The following VCF2 variants were observed in gnomAD, a reference collection of about 807,000 sequenced individuals.
VCF2 encodes protein VCF2.
chrX:55,143,699 A>C, the VCF2 span: 1 of 771,467 alleles, frequency 1.3e-6, no homozygotes. Flanking sequence ...CAGGAAGCCC[A>C]GCTGGAACCT....
At chrX:55,148,792 G>A in the VCF2 span, among the ~76,000 whole-genome samples, 1 of 111,018 alleles carries the variant, frequency 9.0e-6, no homozygotes, top group African/African-American at 3.3e-5. Context: ...AAATTACAAC[G>A]GATTTTAATT....
chrX:55,155,518 T>C, the VCF2 span, among the ~76,000 whole-genome samples: 7 of 111,769 alleles, frequency 6.3e-5, no homozygotes, highest in Non-Finnish European at 1.3e-4. Flanking sequence ...AGGACAATGA[T>C]TGGCAAATGG....
chrX:55,148,399 T>C, the VCF2 span, among the ~76,000 whole-genome samples: 11 of 110,471 alleles, frequency 1.0e-4, no homozygotes, highest in Non-Finnish European at 1.7e-4. Context: ...AAGTTATTTA[T>C]GAAACAAGGT....
At chrX:55,145,879 T>TAAAATA in the VCF2 span, 2 of 967,707 alleles carry the variant, frequency 2.1e-6, no homozygotes, top group Admixed American at 4.7e-5. Context: ...GTAGAAAGAG[T>TAAAATA]AAAATAAAAA....
the VCF2 span, among the ~76,000 whole-genome samples, chrX:55,153,157 A>C: frequency 2.7e-5 from 3 of 111,441 alleles, no homozygotes; most frequent in Non-Finnish European, 5.7e-5. Flanking sequence ...CTATACCCCG[A>C]CCACCTTGAG....
the VCF2 span, chrX:55,143,952 C>G: frequency 1.5e-6 from 1 of 657,190 alleles, no homozygotes; most frequent in Admixed American, 2.7e-5. Flanking sequence ...TGGAATAAGA[C>G]TGTGCTTACT....
the VCF2 span, among the ~76,000 whole-genome samples, chrX:55,158,401 G>C: frequency 2.7e-5 from 3 of 111,949 alleles, no homozygotes; most frequent in Non-Finnish European, 5.6e-5. Flanking sequence ...TAGAAGAGAG[G>C]AAGGGGGGAT....
chrX:55,155,972 C>T, the VCF2 span, among the ~76,000 whole-genome samples: 3 of 85,489 alleles, frequency 3.5e-5, no homozygotes, highest in East Asian at 7.1e-4. Flanking sequence ...GAGAGGAAGT[C>T]GCACTCTGTC....
the VCF2 span, chrX:55,160,809 C>T: frequency 1.2e-5 from 14 of 1,150,502 alleles, no homozygotes; most frequent in Non-Finnish European, 1.6e-5. Context: ...ACTGAGTTTT[C>T]GCGAGGGACC....
the VCF2 span, chrX:55,143,692 G>C: frequency 1.5e-6 from 1 of 686,295 alleles, no homozygotes; most frequent in Non-Finnish European, 2.2e-6. Context: ...CTTGACCCAG[G>C]AAGCCCAGCT....
At chrX:55,146,458 C>A in the VCF2 span, 1 of 507,373 alleles carries the variant, frequency 2.0e-6, no homozygotes, top group East Asian at 3.6e-5. Flanking sequence ...ATTCTATCCT[C>A]ACAATAACCC....
At chrX:55,150,756 T>C in the VCF2 span, among the ~76,000 whole-genome samples, 1 of 111,762 alleles carries the variant, frequency 8.9e-6, no homozygotes, top group Non-Finnish European at 1.9e-5. Flanking sequence ...ACAGGTACTC[T>C]TGAATGCAGG....
chrX:55,149,043 G>A, the VCF2 span, among the ~76,000 whole-genome samples: 1 of 111,599 alleles, frequency 9.0e-6, no homozygotes, highest in Non-Finnish European at 1.9e-5. Context: ...CCATGAATCT[G>A]AAAATTTTCA....
chrX:55,160,829 C>A, the VCF2 span: 1 of 1,155,831 alleles, frequency 8.7e-7, no homozygotes, highest in Non-Finnish European at 1.1e-6. Flanking sequence ...CACATCCCCA[C>A]CTCACCCCCG....
the VCF2 span, among the ~76,000 whole-genome samples, chrX:55,147,606 A>C: frequency 9.5e-6 from 1 of 105,408 alleles, no homozygotes; most frequent in Non-Finnish European, 1.9e-5. Context: ...ACAGCTGACA[A>C]TTCGGTTCCT....
chrX:55,151,883 GCTTT>G, the VCF2 span, among the ~76,000 whole-genome samples: 8 of 85,529 alleles, frequency 9.4e-5, no homozygotes, highest in African/African-American at 3.4e-4. Context: ...ATTAAGCTGT[GCTTT>G]CTTTTTTTTT....
the VCF2 span, among the ~76,000 whole-genome samples, chrX:55,149,074 C>G: frequency 9.0e-6 from 1 of 111,544 alleles, no homozygotes; most frequent in Non-Finnish European, 1.9e-5. Context: ...AGGAAACACT[C>G]TGCCTATGTC....
chrX:55,160,471 A>G, the VCF2 span, among the ~76,000 whole-genome samples: 4 of 112,806 alleles, frequency 3.5e-5, no homozygotes, highest in African/African-American at 1.3e-4. Context: ...AACAATGTTA[A>G]TCTCATTTTT....
At chrX:55,143,375 G>A in the VCF2 span, 1 of 113,060 alleles carries the variant, frequency 8.8e-6, no homozygotes, top group East Asian at 2.8e-4. Flanking sequence ...GGATCTCACG[G>A]GATTTTACAA....
Sources: gnomAD v4.1 joint callset for allele counts (sites outside exome capture counted in the v4.1 genomes callset) on GRCh38, gnomAD v4.1.1 for gene constraint, MANE v1.5 for transcripts, NCBI Gene and HGNC (gene_info 2026-07-23, HGNC 2026-07-21) for gene names.